The following CNTN5 variants were observed in gnomAD, a reference collection of about 807,000 sequenced individuals.
The protein encoded by CNTN5 is contactin-5.
In CNTN5, 77 loss-of-function variants were observed where a neutral mutation model predicts 129.1. The ratio of observed to expected loss-of-function variants is 0.60; its 90% confidence interval spans 0.50 to 0.72. CNTN5 has a LOEUF of 0.72. Among genes scored for constraint, CNTN5 ranks in the 30% least tolerant of loss-of-function variants. The pLI, the probability that CNTN5 is intolerant of heterozygous loss-of-function variation, is 0.00. For missense variants in CNTN5, 1,478 were observed against 1,328.8 expected (o/e 1.11, Z -1.75); for synonymous variants, 509 against 465.6 (o/e 1.09, Z -1.20).
In CNTN5 at chr11:100,061,192, AT is replaced by A. The variant is rs772530310; in HGVS notation, c.981-15del. ...TAACAGTGGAGAGTGTATTAACAGT[AT>A]TTTTGTTCCCTATCGTAGCCCCGTT... On this transcript the variant is annotated intron_variant, in intron 9 of 24. Coordinates refer to ENST00000524871, the MANE Select transcript of CNTN5 (RefSeq NM_014361.4). The A allele has an allele frequency of 1.7e-4, 271 of 1,588,120 alleles. No homozygotes were observed. The highest frequency in any genetic ancestry group is 2.3e-4 in the Non-Finnish European group (262 of 1,160,278).
At chr11:100,158,280 T>G (rs1407571290) in intron 13 of CNTN5, among the ~76,000 whole-genome samples, 1 of 151,806 alleles carries the variant, frequency 6.6e-6, no homozygotes, top group Non-Finnish European at 1.5e-5. Flanking sequence ...GGATACAAAT[T>G]GCAGTTGTAA....
intron 2 of CNTN5, among the ~76,000 whole-genome samples, chr11:99,399,600 C>T (rs1051026626): frequency 6.0e-4 from 7 of 11,632 alleles, no homozygotes; most frequent in African/African-American, 2.3e-3. Flanking sequence ...GTATATAAGG[C>T]AAAGGGCTTT....
chr11:99,411,939 A>C (rs1942413833), intron 2 of CNTN5, among the ~76,000 whole-genome samples: 1 of 152,224 alleles, frequency 6.6e-6, no homozygotes, highest in Non-Finnish European at 1.5e-5. Context: ...TAAGACATTT[A>C]TCTCCCACAT....
At chr11:100,158,299 A>G (rs1382743966) in intron 13 of CNTN5, among the ~76,000 whole-genome samples, 1 of 151,836 alleles carries the variant, frequency 6.6e-6, no homozygotes, top group African/African-American at 2.4e-5. Flanking sequence ...AAGATGCATA[A>G]GTTCTGGAGA....
chr11:100,090,238 ACAT>A (rs1215741465), intron 13 of CNTN5, among the ~76,000 whole-genome samples: 1 of 152,068 alleles, frequency 6.6e-6, no homozygotes, highest in African/African-American at 2.4e-5. Flanking sequence ...CCCACAACCA[ACAT>A]CATACTGAAT....
intron 2 of CNTN5, among the ~76,000 whole-genome samples, chr11:99,422,766 A>G (rs1403242738): frequency 6.6e-6 from 1 of 151,918 alleles, no homozygotes; most frequent in Non-Finnish European, 1.5e-5. Context: ...ACAAAACAGT[A>G]GTGTAAAATG....
chr11:100,160,553 G>A (rs1947413390), intron 13 of CNTN5, among the ~76,000 whole-genome samples: 1 of 151,926 alleles, frequency 6.6e-6, no homozygotes, highest in Non-Finnish European at 1.5e-5. Context: ...GAGTGAAAGA[G>A]TGAGAAACAG....
intron 8 of CNTN5, among the ~76,000 whole-genome samples, chr11:99,988,721 A>G (rs1938853412): frequency 6.6e-6 from 1 of 152,142 alleles, no homozygotes; most frequent in South Asian, 2.1e-4. Context: ...GTTCATGACT[A>G]TTCTCTTTAT....
In CNTN5 at chr11:99,118,608, AT is replaced by A. The variant is rs577474375; in HGVS notation, c.-210+97339del. Among the ~76,000 whole-genome samples, 4 of 152,262 alleles carry A rather than the reference AT, an allele frequency of 2.6e-5. No homozygotes were observed. The South Asian group carries it at 8.3e-4, about 32-fold the overall frequency. Reference sequence around the variant, plus strand: ...ATAGAATATAATTTTATTGAAAAAAATGTATTAAAACAATTAACGAAAACAA... The same window carrying A: ...ATAGAATATAATTTTATTGAAAAAAAGTATTAAAACAATTAACGAAAACAA... On this transcript the variant is annotated intron_variant, in intron 1 of 24. Transcript: ENST00000524871.
chr11:99,362,281 C>A (rs892010399), intron 2 of CNTN5, among the ~76,000 whole-genome samples: 3 of 151,986 alleles, frequency 2.0e-5, no homozygotes, highest in African/African-American at 7.2e-5. Flanking sequence ...TACATATACT[C>A]TCTGAAGAAA....
intron 1 of CNTN5, among the ~76,000 whole-genome samples, chr11:99,287,897 A>G (rs1216543892): frequency 6.6e-6 from 1 of 151,944 alleles, no homozygotes; most frequent in East Asian, 1.9e-4. Flanking sequence ...AGATAAATGA[A>G]AAAAGAAGGA....
chr11:99,484,369 C>CA (rs1410074927), intron 2 of CNTN5, among the ~76,000 whole-genome samples: 3 of 151,938 alleles, frequency 2.0e-5, no homozygotes, highest in Non-Finnish European at 4.4e-5. Context: ...ATCCAAAAGA[C>CA]AAAAAATAAC....
intron 6 of CNTN5, among the ~76,000 whole-genome samples, chr11:99,883,761 A>C (rs1467233327): frequency 1.3e-5 from 2 of 152,196 alleles, no homozygotes; most frequent in Non-Finnish European, 2.9e-5. Context: ...TGTTGAATTA[A>C]ATAGAAACCA....
At chr11:100,263,708 C>T (rs187492837) in intron 17 of CNTN5, among the ~76,000 whole-genome samples, 2 of 152,206 alleles carry the variant, frequency 1.3e-5, no homozygotes, top group East Asian at 3.9e-4. Context: ...TTCTTATAAC[C>T]TTCAACCCTG....
intron 10 of CNTN5, among the ~76,000 whole-genome samples, chr11:100,064,638 G>T (rs914827046): frequency 1.3e-5 from 2 of 151,884 alleles, no homozygotes; most frequent in Non-Finnish European, 2.9e-5. Flanking sequence ...GATTTTCATG[G>T]GTTAAGTCAT....
chr11:100,164,747 C>T (rs996561854), intron 13 of CNTN5, among the ~76,000 whole-genome samples: 11 of 151,664 alleles, frequency 7.3e-5, no homozygotes, highest in Admixed American at 6.6e-4. Flanking sequence ...GTAGACATAT[C>T]AGAAAACCAG....
intron 3 of CNTN5, among the ~76,000 whole-genome samples, chr11:99,578,399 G>A (rs1048279128): frequency 1.2e-4 from 17 of 145,524 alleles, no homozygotes; most frequent in Non-Finnish European, 2.1e-4. Context: ...CTGAGGAATC[G>A]CCACAATGAC....
At chr11:100,311,526 C>G (rs1951473230) in intron 21 of CNTN5, among the ~76,000 whole-genome samples, 1 of 151,924 alleles carries the variant, frequency 6.6e-6, no homozygotes, top group African/African-American at 2.4e-5. Context: ...CATATACCAG[C>G]TAAGATCACT....
In CNTN5 at chr11:100,344,321, A is replaced by T. The variant is rs575020858; in HGVS notation, c.3030+3116A>T. 2.6e-5 allele frequency among the ~76,000 whole-genome samples: 4 copies of T among 152,258 alleles called. No homozygotes were observed. The South Asian group carries it at 8.3e-4, about 32-fold the overall frequency. On this transcript the variant is annotated intron_variant, in intron 23 of 24. Transcript: ENST00000524871. The stretch of plus-strand genomic sequence containing the variant: ...TGTGAAAGTTATTGAAACATAATAA[A>T]TGCAGAGGAAAAAGTAGATATTTTC...
Sources: allele counts gnomAD v4.1 joint callset (sites outside exome capture counted in the v4.1 genomes callset), GRCh38; gene constraint gnomAD v4.1.1; transcripts MANE v1.5; gene names NCBI Gene and HGNC (gene_info 2026-07-23, HGNC 2026-07-21).